PDE1C: variants seen among roughly 807,000 people sequenced by gnomAD.
The protein encoded by PDE1C is phosphodiesterase 1C, also known as dual specificity calcium/calmodulin-dependent 3',5'-cyclic nucleotide phosphodiesterase 1C.
PDE1C carries 62 observed loss-of-function variants against 93.1 expected under a neutral mutation model. The observed-to-expected ratio is 0.67, with a 90% CI of 0.54 to 0.82. The LOEUF (loss-of-function observed/expected upper bound fraction) is 0.82. Among genes scored for constraint, PDE1C ranks in the 40% least tolerant of loss-of-function variants. PDE1C has a pLI of 0.00. For missense variants in PDE1C, 742 were observed against 884.6 expected (o/e 0.84, Z 2.04); for synonymous variants, 325 against 310.1 (o/e 1.05, Z -0.50).
intron 2 of PDE1C, among the ~76,000 whole-genome samples, chr7:31,940,330 C>G (rs1411488877): frequency 6.6e-6 from 1 of 152,140 alleles, no homozygotes; most frequent in African/African-American, 2.4e-5. Context: ...GCTTAGCTGT[C>G]TGAGATGAAA....
chr7:31,785,062 A>G (rs1783782535), intron 16 of PDE1C: 1 of 152,226 alleles, frequency 6.6e-6, no homozygotes, highest in Admixed American at 6.5e-5. Context: ...TTCTATAGCC[A>G]TGGGGTTTTA....
chr7:32,185,992 C>T (rs1803822767), intron 2 of PDE1C, among the ~76,000 whole-genome samples: 1 of 123,900 alleles, frequency 8.1e-6, no homozygotes, highest in South Asian at 2.9e-4. Context: ...TGCTACTTTC[C>T]CATTTCTAAT....
At chr7:32,134,517 TA>T (rs889362785) in intron 3 of PDE1C, among the ~76,000 whole-genome samples, 5 of 151,648 alleles carry the variant, frequency 3.3e-5, no homozygotes, top group African/African-American at 9.7e-5. Context: ...CAATGAGGCA[TA>T]AAAAAAATAT....
At position 31,816,000 on chromosome 7, in the gene PDE1C, T is replaced by C. The variant is rs771548329; in HGVS notation, c.1737A>G (p.Thr579=). 4 of 1,614,052 alleles carry C rather than the reference T, an allele frequency of 2.5e-6. No homozygotes were observed. The highest frequency in any genetic ancestry group is 3.4e-6 in the Non-Finnish European group (4 of 1,179,928). The change falls in exon 15 of 18, where the codon ACA becomes ACG. Residue 579 remains threonine, a synonymous_variant. Coordinates refer to ENST00000396191, the MANE Select transcript of PDE1C (RefSeq NM_001191057.4). ...SGETKNQVNG[T]RANKSDNPRG... ...GAGGGTTGTCACTTTTGTTTGCCCGTGTTCCATTGACTTGATTCTTAGTTT... is the reference window on the plus strand; with the variant it reads ...GAGGGTTGTCACTTTTGTTTGCCCGCGTTCCATTGACTTGATTCTTAGTTT...
intron 7 of PDE1C, among the ~76,000 whole-genome samples, chr7:31,860,792 T>C (rs796944901): frequency 2.6e-5 from 4 of 152,318 alleles, no homozygotes; most frequent in African/African-American, 9.6e-5. Flanking sequence ...TTCAAGGCCA[T>C]AAACATATTC....
At chr7:32,101,629 A>G (rs1012795736) in intron 3 of PDE1C, among the ~76,000 whole-genome samples, 2 of 152,170 alleles carry the variant, frequency 1.3e-5, no homozygotes, top group Non-Finnish European at 2.9e-5. Flanking sequence ...GCCTTACACA[A>G]TGATTGGAAG....
intron 2 of PDE1C, among the ~76,000 whole-genome samples, chr7:31,947,874 T>A (rs1439267169): frequency 6.6e-6 from 1 of 152,192 alleles, no homozygotes; most frequent in Admixed American, 6.5e-5. Context: ...GTTCTGATAC[T>A]AGGCAGATTT....
At chr7:32,085,737 A>C (rs1339110298) in intron 3 of PDE1C, among the ~76,000 whole-genome samples, 1 of 151,986 alleles carries the variant, frequency 6.6e-6, no homozygotes, top group Admixed American at 6.5e-5. Flanking sequence ...ATATAAACAG[A>C]ACCAAAGACA....
intron 1 of PDE1C, among the ~76,000 whole-genome samples, chr7:32,365,979 C>A (rs1432222122): frequency 6.6e-6 from 1 of 152,100 alleles, no homozygotes; most frequent in Non-Finnish European, 1.5e-5. Context: ...TGACTTTTCA[C>A]CAGATGCATA....
chr7:32,117,217 A>G (rs181554227), intron 3 of PDE1C, among the ~76,000 whole-genome samples: 73 of 152,324 alleles, frequency 4.8e-4, no homozygotes, highest in South Asian at 2.7e-3. Context: ...AAAGGAAAAT[A>G]TGAAGAATCT....
At chr7:31,794,069 C>CAGATAGATAGATAGATAGAT (rs1562807857) in intron 16 of PDE1C, among the ~76,000 whole-genome samples, 4 of 134,414 alleles carry the variant, frequency 3.0e-5, no homozygotes, top group Admixed American at 1.4e-4. Context: ...GACAGACAGA[C>CAGATAGATAGATAGATAGAT]AGACAGACAG....
At chr7:31,656,567 C>T in the PDE1C span, 3 of 745,194 alleles carry the variant, frequency 4.0e-6, no homozygotes, top group Non-Finnish European at 4.9e-6. Flanking sequence ...CAGAATATTA[C>T]CTACCGCTTG....
At chr7:32,317,527 G>C (rs1415931260) in intron 1 of PDE1C, among the ~76,000 whole-genome samples, 2 of 151,798 alleles carry the variant, frequency 1.3e-5, no homozygotes, top group Non-Finnish European at 2.9e-5. Flanking sequence ...TCCTGAAGGA[G>C]ATAACATTGT....
rs1158222759 is a variant in PDE1C at position 31,850,705 on chromosome 7, A to G, written c.787T>C (p.Phe263Leu). Residue 263 changes from phenylalanine to leucine, a missense_variant, in exon 8 of 18, where the codon TTC becomes CTC. Coordinates refer to ENST00000396191, the MANE Select transcript of PDE1C (RefSeq NM_001191057.4). ...LTELEIFAII[F>L]SAAIHDYEHT... is the part of the protein sequence containing the mutation. ...TCGTAGTCATGGATGGCAGCTGAGA[A>G]GATTATAGCAAAGATCTCCAGCTCC... is the stretch of plus-strand genomic sequence containing the variant. 6.2e-7 allele frequency: 1 copy of G among 1,613,344 alleles called. No individual in the cohort carries two copies. Among genetic ancestry groups the G allele is most frequent in the Admixed American group, 1.7e-5 (1 of 59,954 alleles).
At chr7:31,891,554 G>T (rs919755932) in intron 2 of PDE1C, among the ~76,000 whole-genome samples, 5 of 152,060 alleles carry the variant, frequency 3.3e-5, no homozygotes, top group African/African-American at 4.8e-5. Flanking sequence ...AGTTCTCATG[G>T]GAATTATGTT....
chr7:31,809,047 A>T lies in PDE1C; in HGVS notation c.1875T>A (p.Asp625Glu). The change falls in exon 16 of 18, where the codon GAT (aspartate) becomes GAA (glutamate). Residue 625 changes from aspartate (D) to glutamate (E), a missense_variant. Physicochemically the swap from Asp to Glu is conservative, Grantham distance 45 (BLOSUM62 2). This residue lies in a region of PDE1C where 454 missense variants were observed against 459.4 expected (regional missense o/e 0.99). Transcript: ENST00000396191. ...TACTCTTACCATCTGTTTTCTTTGA[A>T]TCATTTCCGATGTTAGAGTGATCCT... ...DKKDHSNIGN[D>E]SKKTDGTKQR... is the part of the protein sequence containing the mutation. 1 of 1,583,652 alleles carries T rather than the reference A, an allele frequency of 6.3e-7. No individual in the cohort carries two copies.
At chr7:32,349,773 G>A (rs550328321) in intron 1 of PDE1C, among the ~76,000 whole-genome samples, 66 of 152,212 alleles carry the variant, frequency 4.3e-4, no homozygotes, top group African/African-American at 1.6e-3. Flanking sequence ...GGGACTGCAG[G>A]CGCATGCCAC....
chr7:31,790,579 C>T (rs2128659797), intron 16 of PDE1C, among the ~76,000 whole-genome samples: 1 of 152,122 alleles, frequency 6.6e-6, no homozygotes, highest in Admixed American at 6.5e-5. Context: ...GTTTTGTTGC[C>T]AGATCTGGTC....
chr7:32,112,172 A>G (rs1216801384), intron 3 of PDE1C, among the ~76,000 whole-genome samples: 1 of 151,840 alleles, frequency 6.6e-6, no homozygotes, highest in African/African-American at 2.4e-5. Flanking sequence ...GACTTGGGAA[A>G]CTCATCTTAG....
Sources: gnomAD v4.1 joint callset for allele counts (sites outside exome capture counted in the v4.1 genomes callset) on GRCh38, gnomAD v4.1.1 for gene constraint, gnomAD v4.1.1 regional missense constraint, MANE v1.5 for transcripts, NCBI Gene and HGNC (gene_info 2026-07-23, HGNC 2026-07-21) for gene names.